GATAD1: variants seen among roughly 807,000 people sequenced by gnomAD.
GATAD1 encodes GATA zinc finger domain containing 1, also known as GATA zinc finger domain-containing protein 1.
GATAD1 carries 12 observed loss-of-function variants against 26.5 expected under a neutral mutation model. The observed-to-expected ratio is 0.45, with a 90% CI of 0.29 to 0.73. The LOEUF (loss-of-function observed/expected upper bound fraction) is 0.73, where lower values mean the gene tolerates loss of function less well. Ranked by LOEUF, GATAD1 falls within the 30% of genes least tolerant of loss-of-function variation. The probability of loss-of-function intolerance (pLI) is 0.10; values close to 1 mark genes in which losing one functional copy is unlikely to be tolerated. For missense variants in GATAD1, 266 were observed against 342.1 expected, an observed-to-expected ratio of 0.78 and a Z score of 1.75; for synonymous variants, 129 against 133.1, an observed-to-expected ratio of 0.97 and a Z score of 0.21.
chr7:92,463,753 G>A (rs1460199181), downstream of GATAD1, among the ~76,000 whole-genome samples: 1 of 151,800 alleles, frequency 6.6e-6, no homozygotes, highest in East Asian at 1.9e-4. Context: ...CAGATCAGTT[G>A]AGGTCAAGAG....
chr7:92,464,155 G>C (rs1035972879), downstream of GATAD1, among the ~76,000 whole-genome samples: 1 of 152,030 alleles, frequency 6.6e-6, no homozygotes, highest in Admixed American at 6.6e-5. Flanking sequence ...AAAAAAATAC[G>C]TGGGCAAAGA....
rs1010065606 is a variant in GATAD1 at position 92,456,645 on chromosome 7, C to T, written c.*83C>T. On this transcript the variant is annotated 3_prime_UTR_variant, in exon 5 of 5. Transcript: ENST00000287957. ...AGCTATTGCACCACTGCTCTCCAAG[C>T]TGGGCAATGGAGTCAGATTCTCTTT... is the stretch of plus-strand genomic sequence containing the variant. 1 of 779,978 alleles carries T rather than the reference C, an allele frequency of 1.3e-6. No individual in the cohort carries two copies. Among genetic ancestry groups the T allele is most frequent in the African/African-American group, 1.8e-5 (1 of 56,878 alleles). 48.3% of individuals were successfully genotyped at this position (779,978 alleles called of 1,614,324 possible).
intron 3 of GATAD1, among the ~76,000 whole-genome samples, chr7:92,451,667 C>T (rs1789437262): frequency 1.3e-5 from 2 of 152,356 alleles, no homozygotes; most frequent in Middle Eastern, 3.4e-3. Flanking sequence ...AAAGTCTGTA[C>T]ACAGGCAAAC....
rs1216454592 is a variant in GATAD1, at chr7:92,447,662, G to A, written c.-68G>A. The A allele has an allele frequency of 1.5e-6, 2 of 1,340,076 alleles. No individual in the cohort carries two copies. Among genetic ancestry groups the A allele is most frequent in the South Asian group, 1.8e-5 (1 of 56,430 alleles). The allele number at this position is 1,340,076 out of a possible 1,614,324, so 83.0% of individuals were successfully genotyped here. A position where few individuals can be genotyped will look rare whatever the true frequency, so the allele number is the denominator to read the frequency against. Reference sequence around the variant, plus strand: ...CGCCGGGAGTGGCGGGCCGACCAGGGGGCGGCCGGGCTACCGTCCGCCATT... The same window carrying A: ...CGCCGGGAGTGGCGGGCCGACCAGGAGGCGGCCGGGCTACCGTCCGCCATT... On this transcript the variant is annotated 5_prime_UTR_variant, in exon 1 of 5. Transcript: ENST00000287957.
intron 1 of GATAD1, 102 bp downstream of exon 1, chr7:92,448,080 C>A (rs571154820): frequency 2.0e-4 from 178 of 876,272 alleles, no homozygotes; most frequent in Non-Finnish European, 2.5e-4. Context: ...CCCCGATCGC[C>A]GTGCTCCTGC....
In GATAD1 at chr7:92,459,756, A is replaced by C. The variant is rs1036894315; in HGVS notation, c.*3194A>C. On this transcript the variant is annotated 3_prime_UTR_variant, in exon 5 of 5. Coordinates refer to ENST00000287957, the MANE Select transcript of GATAD1 (RefSeq NM_021167.5). ...TCCCTTTGGTCCTGGGATGACAGGG[A>C]TGCTGTGTTTTATTTACTCATCTTT... Among the ~76,000 whole-genome samples, 1 of 152,148 alleles carries C rather than the reference A, an allele frequency of 6.6e-6. No individual in the cohort carries two copies. Among genetic ancestry groups the C allele is most frequent in the Non-Finnish European group, 1.5e-5 (1 of 68,030 alleles).
chr7:92,491,828 A>G, the GATAD1 span, among the ~76,000 whole-genome samples: 1 of 152,150 alleles, frequency 6.6e-6, no homozygotes, highest in Non-Finnish European at 1.5e-5. Flanking sequence ...TGAATCAACC[A>G]TGTTATAGAG....
At chr7:92,487,036 T>C in the GATAD1 span, 1 of 154,248 alleles carries the variant, frequency 6.5e-6, no homozygotes, top group Non-Finnish European at 1.4e-5. Context: ...CAGTAGGTAA[T>C]AGGATATTTT....
At position 92,454,233 on chromosome 7, in the gene GATAD1, C is replaced by T. The variant is rs140916313; in HGVS notation, c.436-269C>T. ...TTTTTAAAAAGTGGGGATGGTATTA[C>T]GGCAATATAAAATCAAAATACTTTA... is the stretch of plus-strand genomic sequence containing the variant. On this transcript the variant is annotated intron_variant, in intron 3 of 4. Coordinates refer to ENST00000287957, the MANE Select transcript of GATAD1 (RefSeq NM_021167.5). 93 of 367,378 alleles carry T rather than the reference C, an allele frequency of 2.5e-4. 1 individual carries two copies. The highest frequency in any genetic ancestry group is 1.5e-3 in the Middle Eastern group (2 of 1,318). 22.8% of individuals were successfully genotyped at this position (367,378 alleles called of 1,614,324 possible).
the GATAD1 span, among the ~76,000 whole-genome samples, chr7:92,478,708 C>G: frequency 1.5e-4 from 23 of 152,142 alleles, no homozygotes; most frequent in African/African-American, 5.3e-4. Context: ...GCAACCCTCA[C>G]CCATTCCAAA....
At chr7:92,470,403 C>T in the GATAD1 span, 2 of 675,390 alleles carry the variant, frequency 3.0e-6, no homozygotes, top group Non-Finnish European at 2.7e-6. Flanking sequence ...ATTTTAGTTA[C>T]TTTCCTCCTG....
At chr7:92,480,799 CT>C in the GATAD1 span, among the ~76,000 whole-genome samples, 2,106 of 152,216 alleles carry the variant, frequency 0.014, 15 homozygotes, top group Middle Eastern at 0.027. Flanking sequence ...GATCTGACGC[CT>C]TTTGGTGGCC....
At chr7:92,489,109 ATT>A in the GATAD1 span, among the ~76,000 whole-genome samples, 1 of 152,244 alleles carries the variant, frequency 6.6e-6, no homozygotes, top group Non-Finnish European at 1.5e-5. Flanking sequence ...TGAAAACTCA[ATT>A]TTGACTTCTG....
the GATAD1 span, chr7:92,468,556 C>T: frequency 0.15 from 63,697 of 433,362 alleles, 5,039 homozygotes; most frequent in African/African-American, 0.17. Context: ...TACCTCCTGT[C>T]TTTGCCTAAT....
At chr7:92,460,348 G>A (rs959935553), downstream of GATAD1, among the ~76,000 whole-genome samples, 2 of 152,136 alleles carry the variant, frequency 1.3e-5, no homozygotes, top group Non-Finnish European at 2.9e-5. Context: ...TTCATACCAG[G>A]TGTGTGAGCC....
Position 92,457,341 on chromosome 7 carries a change from G to C in GATAD1, c.*779G>C, listed in dbSNP as rs1183956953. The stretch of plus-strand genomic sequence containing the variant: ...TAGCCAGGTGTGGTGGCGCACACCT[G>C]TAGTCCCAGCTACTCGGGAGGCTGA... On this transcript the variant is annotated 3_prime_UTR_variant, in exon 5 of 5. Coordinates refer to ENST00000287957, the MANE Select transcript of GATAD1 (RefSeq NM_021167.5). The C allele has an allele frequency of 1.3e-5, 2 of 152,100 alleles. No homozygotes were observed. The highest frequency in any genetic ancestry group is 2.9e-5 in the Non-Finnish European group (2 of 68,118). The allele number at this position is 152,100 out of a possible 1,614,324, so 9.4% of individuals were successfully genotyped here.
chr7:92,474,160 C>T, the GATAD1 span, among the ~76,000 whole-genome samples: 6 of 151,804 alleles, frequency 4.0e-5, no homozygotes, highest in Admixed American at 6.6e-5. Context: ...TTTTTAATCC[C>T]GTTTGTCCTG....
chr7:92,483,503 G>A, the GATAD1 span, among the ~76,000 whole-genome samples: 1 of 152,228 alleles, frequency 6.6e-6, no homozygotes, highest in Non-Finnish European at 1.5e-5. Flanking sequence ...TGTTGGGAGC[G>A]GATTGGGTAA....
rs148717683 is a variant in GATAD1, at chr7:92,458,307, A to C, written c.*1745A>C. On this transcript the variant is annotated 3_prime_UTR_variant, in exon 5 of 5. Coordinates refer to ENST00000287957, the MANE Select transcript of GATAD1 (RefSeq NM_021167.5). ...ATAGTCAGCTTCACCAAAGCCGCAG[A>C]GGAAACATGTCGAGATCAGGCTTCC... is the stretch of plus-strand genomic sequence containing the variant. The C allele has an allele frequency of 6.6e-6, 1 of 152,236 alleles. No individual in the cohort carries two copies. Among genetic ancestry groups the C allele is most frequent in the Admixed American group, 6.5e-5 (1 of 15,286 alleles). The allele number at this position is 152,236 out of a possible 1,614,324, so 9.4% of individuals were successfully genotyped here.
Sources: gnomAD v4.1 joint callset for allele counts (sites outside exome capture counted in the v4.1 genomes callset) on GRCh38, gnomAD v4.1.1 for gene constraint, MANE v1.5 for transcripts, NCBI Gene and HGNC (gene_info 2026-07-23, HGNC 2026-07-21) for gene names.